RAI14: variants seen among roughly 807,000 people sequenced by gnomAD.
The protein encoded by RAI14 is retinoic acid induced 14.
Under a neutral mutation model 115.4 loss-of-function variants are expected in RAI14, and 45 were observed. The ratio of observed to expected loss-of-function variants is 0.39; its 90% CI spans 0.31 to 0.50. The LOEUF is 0.50. RAI14 is among the 20% of genes least tolerant of loss of function. The probability of loss-of-function intolerance (pLI) is 0.85; values close to 1 mark genes in which losing one functional copy is unlikely to be tolerated. For synonymous variants in RAI14, 371 were observed against 415.4 expected (o/e 0.89, Z 1.30); for missense variants, 939 against 1,131.2 (o/e 0.83, Z 2.44).
intron 3 of RAI14, among the ~76,000 whole-genome samples, chr5:34,790,505 A>G (rs904986339): frequency 2.6e-5 from 4 of 152,178 alleles, no homozygotes; most frequent in South Asian, 2.1e-4. Flanking sequence ...TATAGATGCT[A>G]TGTTCCAAGT....
chr5:34,695,912 G>T (rs1739171560), intron 2 of RAI14, among the ~76,000 whole-genome samples: 3 of 151,120 alleles, frequency 2.0e-5, no homozygotes, highest in Admixed American at 2.0e-4. Context: ...CAAACTCTTG[G>T]GCTCAAGCAA....
intron 1 of RAI14, among the ~76,000 whole-genome samples, chr5:34,660,738 C>T (rs1440789152): frequency 6.6e-6 from 1 of 150,458 alleles, no homozygotes; most frequent in Non-Finnish European, 1.5e-5. Context: ...GGCATTTAAA[C>T]ACATTGGCGT....
At chr5:34,692,060 C>T (rs1392650117) in intron 2 of RAI14, among the ~76,000 whole-genome samples, 4 of 152,070 alleles carry the variant, frequency 2.6e-5, no homozygotes, top group South Asian at 2.1e-4. Flanking sequence ...GTCAGGAGTT[C>T]GAGACCAGCC....
chr5:34,806,000 C>G (rs1229418883), intron 5 of RAI14, among the ~76,000 whole-genome samples: 2 of 152,156 alleles, frequency 1.3e-5, no homozygotes, highest in Non-Finnish European at 2.9e-5. Context: ...AGCTCCCAGT[C>G]TGGTAAACAA....
chr5:34,747,984 G>A (rs533113114), intron 2 of RAI14, among the ~76,000 whole-genome samples: 77 of 152,318 alleles, frequency 5.1e-4, no homozygotes, highest in Admixed American at 1.8e-3. Context: ...AGAGAGCATG[G>A]GGGACCCCAG....
chr5:34,823,483 A>G lies in RAI14; in HGVS notation c.1641A>G (p.Glu547=). 6.2e-7 allele frequency: 1 copy of G among 1,614,188 alleles called. No individual in the cohort carries two copies. Among genetic ancestry groups the G allele is most frequent in the Non-Finnish European group, 8.5e-7 (1 of 1,180,020 alleles). ...TGCAGAATGCATTAGAAGAAAGTGA[A>G]AGAAATAAAGAGAAAGTGAGAGAGT... ...QDLQNALEES[E]RNKEKVRELE... is the part of the protein sequence containing the mutation. The change falls in exon 15 of 18, where the codon GAA becomes GAG. Residue 547 remains glutamate, a synonymous_variant. Coordinates refer to ENST00000265109, the MANE Select transcript of RAI14 (RefSeq NM_015577.3). The surrounding 1 kb of genome is among the most constrained non-coding windows in gnomAD (Gnocchi z 4.5).
rs1561312083 is a variant in RAI14 at position 34,752,729 on chromosome 5, G to GTATATA, written c.37-4738_37-4737insATATAT. Among the ~76,000 whole-genome samples the GTATATA allele has an allele frequency of 9.8e-4, 89 of 90,910 alleles. 3 individuals carry two copies. The highest frequency in any genetic ancestry group is 3.6e-3 in the African/African-American group (79 of 22,168). 59.6% of individuals were successfully genotyped at this position (90,910 alleles called of 152,430 possible). A position where few individuals can be genotyped will look rare whatever the true frequency, so the allele number is the denominator to read the frequency against. Reference sequence around the variant, plus strand: ...TGTGTGTGTGTGTGTGTGTGTGTGTGTGTGTGTGTGTGTGTGTGTGTATAT... The same window carrying GTATATA: ...TGTGTGTGTGTGTGTGTGTGTGTGTGTATATATGTGTGTGTGTGTGTGTGTGTATAT... On this transcript the variant is annotated intron_variant, in intron 2 of 17. Transcript: ENST00000265109.
intron 3 of RAI14, among the ~76,000 whole-genome samples, chr5:34,770,020 C>T (rs1172745178): frequency 2.0e-5 from 3 of 152,174 alleles, no homozygotes; most frequent in Non-Finnish European, 4.4e-5. Flanking sequence ...TGAGCCACTG[C>T]GCTCAGCTCC....
intron 2 of RAI14, among the ~76,000 whole-genome samples, chr5:34,747,802 T>A (rs903364989): frequency 6.6e-6 from 1 of 152,228 alleles, no homozygotes; most frequent in Non-Finnish European, 1.5e-5. Flanking sequence ...AGCTCTGAAC[T>A]GAGCCCCTAC....
At chr5:34,746,652 G>A (rs1746266381) in intron 2 of RAI14, among the ~76,000 whole-genome samples, 1 of 152,058 alleles carries the variant, frequency 6.6e-6, no homozygotes, top group Non-Finnish European at 1.5e-5. Context: ...GGATCTGCCC[G>A]CCTCAGCCTC....
At chr5:34,786,642 G>C (rs891313507) in intron 3 of RAI14, among the ~76,000 whole-genome samples, 1 of 152,154 alleles carries the variant, frequency 6.6e-6, no homozygotes, top group African/African-American at 2.4e-5. Flanking sequence ...CACTGGGATT[G>C]CTTAAAAGAG....
At chr5:34,777,874 G>T (rs980406074) in intron 3 of RAI14, among the ~76,000 whole-genome samples, 1 of 118,272 alleles carries the variant, frequency 8.5e-6, no homozygotes, top group African/African-American at 2.8e-5. Flanking sequence ...GTGTGTGTGG[G>T]GGGGGTGTGG....
At chr5:34,657,956 A>AT (rs139314538) in intron 1 of RAI14, among the ~76,000 whole-genome samples, 2 of 152,144 alleles carry the variant, frequency 1.3e-5, no homozygotes, top group African/African-American at 4.8e-5. Context: ...AACAAGTGTG[A>AT]TTTTTTTCCC....
intron 3 of RAI14, among the ~76,000 whole-genome samples, chr5:34,777,796 C>CA (rs1367996856): frequency 6.6e-6 from 1 of 150,800 alleles, no homozygotes; most frequent in Non-Finnish European, 1.5e-5. Flanking sequence ...CAAAACAAAA[C>CA]AAAAAAACCT....
intron 3 of RAI14, among the ~76,000 whole-genome samples, chr5:34,786,689 A>G (rs1023398976): frequency 1.3e-5 from 2 of 151,966 alleles, no homozygotes; most frequent in African/African-American, 4.8e-5. Context: ...ACATTTTCCA[A>G]CTGTTGCTCT....
In RAI14 at chr5:34,665,198, T is replaced by TATATATATATATAC. The variant is rs369742853; in HGVS notation, c.-49+8724_-49+8725insTATATATATATACA. 7.9e-5 allele frequency among the ~76,000 whole-genome samples: 6 copies of TATATATATATATAC among 75,716 alleles called. 1 individual carries two copies. The highest frequency in any genetic ancestry group is 4.3e-4 in the South Asian group (1 of 2,330). 49.7% of individuals were successfully genotyped at this position (75,716 alleles called of 152,430 possible). On this transcript the variant is annotated intron_variant, in intron 1 of 17. Transcript: ENST00000265109. ...ACACACATATATATATGTATATATA[T>TATATATATATATAC]ACACACACCACAGTTTCTTTATCCA...
At chr5:34,717,074 T>C (rs957732592) in intron 2 of RAI14, among the ~76,000 whole-genome samples, 1 of 152,216 alleles carries the variant, frequency 6.6e-6, no homozygotes, top group Non-Finnish European at 1.5e-5. Flanking sequence ...ATTATGTATG[T>C]GTATGTGCGC....
At chr5:34,808,477 T>C (rs1755183201) in intron 6 of RAI14, 107 bp from the exon 7 acceptor site, 3 of 976,536 alleles carry the variant, frequency 3.1e-6, no homozygotes, top group Non-Finnish European at 4.8e-6. Flanking sequence ...AGAGTGAATA[T>C]ATGTAGAGTG....
Position 34,685,444 on chromosome 5 carries a change from G to A in RAI14, c.-48-1428G>A, listed in dbSNP as rs1019067139. Among the ~76,000 whole-genome samples the A allele has an allele frequency of 1.1e-4, 17 of 152,168 alleles. No homozygotes were observed. The East Asian group carries it at 2.9e-3, about 26-fold the overall frequency. ...AACATACAGAGTGATACAATGGACT[G>A]TCAGGACTAGGTTGGGAGAGAGGTG... On this transcript the variant is annotated intron_variant, in intron 1 of 17. Transcript: ENST00000265109.
Sources: gnomAD v4.1 joint callset for allele counts (sites outside exome capture counted in the v4.1 genomes callset) on GRCh38, gnomAD v4.1.1 for gene constraint, Gnocchi (gnomAD v3.1) non-coding constraint, MANE v1.5 for transcripts, NCBI Gene and HGNC (gene_info 2026-07-23, HGNC 2026-07-21) for gene names.